Variants in IQGAP1 observed in about 807,000 individuals in gnomAD.
IQGAP1 encodes IQ motif containing GTPase activating protein 1.
IQGAP1 carries 66 observed loss-of-function variants against 215.6 expected under a neutral mutation model. That is an observed-to-expected ratio of 0.31 (90% CI 0.25 to 0.38). IQGAP1 has a LOEUF of 0.38. Among genes scored for constraint, IQGAP1 ranks in the 10% least tolerant of loss-of-function variants. IQGAP1 has a pLI of 1.00. For missense variants in IQGAP1, 1,712 were observed against 1,997.1 expected (o/e 0.86, Z 2.72); for synonymous variants, 772 against 728.7 (o/e 1.06, Z -0.96).
intron 2 of IQGAP1, among the ~76,000 whole-genome samples, chr15:90,392,664 G>T (rs1964651331): frequency 6.6e-6 from 1 of 150,950 alleles, no homozygotes; most frequent in Non-Finnish European, 1.5e-5. Context: ...TGCTAATCTA[G>T]TTCAACCATC....
intron 31 of IQGAP1, 123 bp downstream of exon 31, chr15:90,486,255 A>G (rs1220043084): frequency 8.2e-6 from 5 of 609,544 alleles, no homozygotes; most frequent in Non-Finnish European, 1.5e-5. Flanking sequence ...AATAAAATAG[A>G]TGTGATCCTG....
intron 11 of IQGAP1, among the ~76,000 whole-genome samples, chr15:90,451,367 T>C (rs1567130744): frequency 6.6e-6 from 1 of 152,160 alleles, no homozygotes; most frequent in African/African-American, 2.4e-5. Context: ...CATCAAAATA[T>C]GAAGGAGAAG....
intron 2 of IQGAP1, among the ~76,000 whole-genome samples, chr15:90,412,907 A>G (rs1964988270): frequency 6.6e-6 from 1 of 152,162 alleles, no homozygotes; most frequent in Non-Finnish European, 1.5e-5. Flanking sequence ...TATTGCACAG[A>G]GCTGGGAAAC....
intron 18 of IQGAP1, among the ~76,000 whole-genome samples, chr15:90,468,528 A>G (rs1326005941): frequency 6.6e-6 from 1 of 152,200 alleles, no homozygotes; most frequent in African/African-American, 2.4e-5. Context: ...GATTGTTGGT[A>G]TCATAAAAGA....
At chr15:90,487,122 T>A in intron 32 of IQGAP1, 33 bp downstream of exon 32, 2 of 1,612,344 alleles carry the variant, frequency 1.2e-6, no homozygotes, top group Non-Finnish European at 1.7e-6. Flanking sequence ...ATGAAATGAA[T>A]GTAATCTGAA....
At chr15:90,432,234 T>G (rs1965313336) in intron 4 of IQGAP1, among the ~76,000 whole-genome samples, 1 of 152,178 alleles carries the variant, frequency 6.6e-6, no homozygotes. Flanking sequence ...CTATAATAAA[T>G]GGTACCATGT....
At position 90,487,549 on chromosome 15, in the gene IQGAP1, T is replaced by C. The variant is rs879035772; in HGVS notation, c.4215T>C (p.Thr1405=). The C allele has an allele frequency of 6.2e-7, 1 of 1,614,042 alleles. No homozygotes were observed. The highest frequency in any genetic ancestry group is 8.5e-7 in the Non-Finnish European group (1 of 1,179,928). The part of the protein sequence containing the change: ...VIRFQPGETL[T]EILETPATSE... ...GGTTCCAGCCAGGAGAGACCTTGAC[T>C]GAAATCCTAGAAACACCAGCCACCA... The change falls in exon 33 of 38, where the codon ACT becomes ACC. Residue 1405 remains threonine (T), a synonymous_variant. Transcript: ENST00000268182.
chr15:90,462,267 AC>A (rs140979703), intron 15 of IQGAP1, among the ~76,000 whole-genome samples: 1 of 152,346 alleles, frequency 6.6e-6, no homozygotes, highest in East Asian at 1.9e-4. Flanking sequence ...CAGCTGGTTC[AC>A]ACCAGCACAG....
At chr15:90,463,300 A>G (rs1965787724) in intron 15 of IQGAP1, among the ~76,000 whole-genome samples, 1 of 152,204 alleles carries the variant, frequency 6.6e-6, no homozygotes, top group Non-Finnish European at 1.5e-5. Context: ...AATGCAAGGG[A>G]GGTTGTGCTA....
intron 2 of IQGAP1, among the ~76,000 whole-genome samples, chr15:90,403,133 A>G (rs910750884): frequency 2.1e-4 from 32 of 152,254 alleles, no homozygotes; most frequent in African/African-American, 7.2e-4. Flanking sequence ...AAAAAAAGCC[A>G]AACGTGGTGG....
At chr15:90,445,907 C>T (rs1055428898) in intron 9 of IQGAP1, among the ~76,000 whole-genome samples, 1 of 151,080 alleles carries the variant, frequency 6.6e-6, no homozygotes, top group Non-Finnish European at 1.5e-5. Context: ...TCTCGGCTCA[C>T]TGCAACCTCT....
At chr15:90,465,718 C>T (rs1596280278) in intron 15 of IQGAP1, among the ~76,000 whole-genome samples, 1 of 150,808 alleles carries the variant, frequency 6.6e-6, no homozygotes, top group Non-Finnish European at 1.5e-5. Flanking sequence ...TTTAGAGAGA[C>T]GGGGTCTCAC....
intron 7 of IQGAP1, 98 bp downstream of exon 7, chr15:90,440,713 C>G (rs933823523): frequency 1.3e-6 from 1 of 766,706 alleles, no homozygotes; most frequent in Non-Finnish European, 2.1e-6. Context: ...TGAATCTTGC[C>G]AGCAAGTTTA....
At chr15:90,479,380 G>A (rs545429049) in intron 26 of IQGAP1, among the ~76,000 whole-genome samples, 2 of 151,946 alleles carry the variant, frequency 1.3e-5, no homozygotes, top group Non-Finnish European at 2.9e-5. Context: ...CCATGTACCC[G>A]GATGCCAGGC....
Position 90,448,672 on chromosome 15 carries a change from T to G in IQGAP1, c.1013T>G (p.Leu338Arg). 5 of 1,612,130 alleles carry G rather than the reference T, an allele frequency of 3.1e-6. No individual in the cohort carries two copies. Among genetic ancestry groups the G allele is most frequent in the Non-Finnish European group, 4.2e-6 (5 of 1,179,132 alleles). The change falls in exon 10 of 38, where the codon CTG becomes CGG. Residue 338 changes from leucine to arginine, a missense_variant. Physicochemically the swap from Leu to Arg is moderately radical, Grantham distance 102 (BLOSUM62 -2). Around this residue, in one of 2 missense-constraint regions of IQGAP1, gnomAD observed 1,021 missense variants for 1,074.2 expected, o/e 0.95. Transcript: ENST00000268182. ...TCACCAGCCCTGGGGCTTCGAGGAC[T>G]GCAGCAACAGAATAGCGACTGGTAC... ...LQSPALGLRG[L>R]QQQNSDWYLK... is the part of the protein sequence containing the mutation.
intron 3 of IQGAP1, among the ~76,000 whole-genome samples, chr15:90,429,363 A>C (rs1301788551): frequency 6.6e-6 from 1 of 152,160 alleles, no homozygotes; most frequent in East Asian, 1.9e-4. Flanking sequence ...TCCAAAGACC[A>C]CATGTTCTGT....
intron 5 of IQGAP1, among the ~76,000 whole-genome samples, chr15:90,436,981 G>A (rs368023797): frequency 4.6e-5 from 7 of 152,132 alleles, no homozygotes; most frequent in East Asian, 3.9e-4. Flanking sequence ...GTATTAGTCC[G>A]TTCTTGTACT....
At chr15:90,486,674 C>A in intron 31 of IQGAP1, 1 of 334,906 alleles carries the variant, frequency 3.0e-6, no homozygotes, top group South Asian at 3.4e-5. Context: ...GATTGCAGGA[C>A]TGAGCCACTG....
chr15:90,467,442 T>G lies in IQGAP1; in HGVS notation c.2036-8T>G. ...GATGTCTTCTATCTTTCCTTTATTT[T>G]CTGCCAGGAGATAATAACAGCAAGT... On this transcript the variant is annotated splice_region_variant and splice_polypyrimidine_tract_variant and intron_variant, in intron 17 of 37. Coordinates refer to ENST00000268182, the MANE Select transcript of IQGAP1 (RefSeq NM_003870.4). 6.2e-7 allele frequency: 1 copy of G among 1,605,812 alleles called. No homozygotes were observed. Among genetic ancestry groups the G allele is most frequent in the African/African-American group, 1.3e-5 (1 of 74,190 alleles).
Sources: gnomAD v4.1 joint callset for allele counts (sites outside exome capture counted in the v4.1 genomes callset) on GRCh38, gnomAD v4.1.1 for gene constraint, gnomAD v4.1.1 regional missense constraint, MANE v1.5 for transcripts, NCBI Gene and HGNC (gene_info 2026-07-23, HGNC 2026-07-21) for gene names.